The following PARD3B variants were observed in gnomAD, a reference collection of about 807,000 sequenced individuals.
PARD3B encodes the protein partitioning defective 3 homolog B.
A neutral mutation model predicts 130.2 loss-of-function variants in PARD3B; 103 were observed. That is an observed-to-expected ratio of 0.79 (90% CI 0.67 to 0.93). The LOEUF is 0.93. PARD3B is among the 40% of genes least tolerant of loss of function. The pLI, the probability that PARD3B is intolerant of heterozygous loss-of-function variation, is 0.00. For missense variants in PARD3B, 1,609 were observed against 1,499.2 expected, an observed-to-expected ratio of 1.07 and a Z score of -1.21; for synonymous variants, 583 against 553.2, an observed-to-expected ratio of 1.05 and a Z score of -0.76.
intron 3 of PARD3B, among the ~76,000 whole-genome samples, chr2:204,986,755 G>T (rs1453704333): frequency 1.3e-5 from 2 of 152,080 alleles, no homozygotes; most frequent in African/African-American, 4.8e-5. Context: ...CTTTTCGATG[G>T]GTAATTTGAC....
At chr2:205,144,799 G>A (rs1403750280) in intron 10 of PARD3B, among the ~76,000 whole-genome samples, 1 of 152,094 alleles carries the variant, frequency 6.6e-6, no homozygotes, top group Non-Finnish European at 1.5e-5. Context: ...TACTAAAGGG[G>A]ATTGGTATCC....
intron 18 of PARD3B, among the ~76,000 whole-genome samples, chr2:205,391,867 T>G (rs751346745): frequency 3.9e-5 from 6 of 152,136 alleles, no homozygotes; most frequent in African/African-American, 1.4e-4. Flanking sequence ...TCCCTTTTTT[T>G]CCCCCTAACA....
At chr2:205,305,110 A>G (rs541342581) in intron 18 of PARD3B, among the ~76,000 whole-genome samples, 2 of 152,198 alleles carry the variant, frequency 1.3e-5, no homozygotes, top group African/African-American at 4.8e-5. Context: ...AAAAAGACTG[A>G]AGAAAGCAGA....
intron 3 of PARD3B, among the ~76,000 whole-genome samples, chr2:205,030,144 A>G (rs150059134): frequency 5.2e-4 from 79 of 152,292 alleles, no homozygotes; most frequent in Non-Finnish European, 1.0e-3. Context: ...AGACTCGTGA[A>G]TAGGTTGCAG....
intron 2 of PARD3B, among the ~76,000 whole-genome samples, chr2:204,797,292 T>G (rs2042409628): frequency 6.6e-6 from 1 of 152,100 alleles, no homozygotes; most frequent in Admixed American, 6.6e-5. Flanking sequence ...TGAAATAACT[T>G]TTTCAATTAA....
intron 16 of PARD3B, among the ~76,000 whole-genome samples, chr2:205,259,121 C>A (rs2040204367): frequency 6.6e-6 from 1 of 152,024 alleles, no homozygotes; most frequent in Non-Finnish European, 1.5e-5. Context: ...ATTTTTTGGT[C>A]CCGCAAATTA....
intron 11 of PARD3B, 124 bp downstream of exon 11, chr2:205,159,031 C>G: frequency 3.0e-6 from 3 of 997,496 alleles, no homozygotes; most frequent in Non-Finnish European, 4.5e-6. Context: ...CCGCCAGATA[C>G]AAAAAATATA....
intron 15 of PARD3B, among the ~76,000 whole-genome samples, chr2:205,242,192 A>C (rs2039381557): frequency 6.6e-6 from 1 of 152,168 alleles, no homozygotes; most frequent in Admixed American, 6.5e-5. Flanking sequence ...AAAGGCCTCT[A>C]ATTTTTATGC....
rs562564164 is a variant in PARD3B, at chr2:205,301,836, G to A, written c.2630+135G>A. On this transcript the variant is annotated intron_variant, in intron 18 of 22. Transcript: ENST00000406610. This position sits in a 1 kb window ranked among gnomAD's most constrained non-coding sequence, Gnocchi z 5.2. ...AAATGCATACGGCTCTCAATTCTGT[G>A]CTCGTTCTCTTTCTGCAGAGGCAGA... 7.2e-7 allele frequency: 1 copy of A among 1,385,056 alleles called. No homozygotes were observed. The highest frequency in any genetic ancestry group is 1.4e-5 in the African/African-American group (1 of 70,336). The allele number at this position is 1,385,056 out of a possible 1,614,324, so 85.8% of individuals were successfully genotyped here.
At chr2:205,282,556 T>C (rs988809748) in intron 16 of PARD3B, among the ~76,000 whole-genome samples, 1 of 151,460 alleles carries the variant, frequency 6.6e-6, no homozygotes, top group South Asian at 2.1e-4. Context: ...TTTCTTGCTG[T>C]TAAATTGTTT....
chr2:205,141,098 G>A (rs1412888998), intron 10 of PARD3B, among the ~76,000 whole-genome samples: 1 of 152,140 alleles, frequency 6.6e-6, no homozygotes, highest in Non-Finnish European at 1.5e-5. Flanking sequence ...ACAGTCATTA[G>A]CATATTTGAA....
At chr2:205,414,828 A>G (rs1385437488) in intron 19 of PARD3B, among the ~76,000 whole-genome samples, 1 of 152,122 alleles carries the variant, frequency 6.6e-6, no homozygotes, top group Non-Finnish European at 1.5e-5. Context: ...AGTGCTAAAA[A>G]TATATATATT....
rs1464251778 is a variant in PARD3B, at chr2:205,616,705, G to T, written c.*892G>T. 1 of 152,172 alleles carries T rather than the reference G, an allele frequency of 6.6e-6. No homozygotes were observed. The highest frequency in any genetic ancestry group is 2.4e-5 in the African/African-American group (1 of 41,410). The allele number at this position is 152,172 out of a possible 1,614,324, so 9.4% of individuals were successfully genotyped here. ...TAATTACTTTAACTGGGGTCTCTAA[G>T]GTTCCCACTTGAGGGCTAAAATGTA... On this transcript the variant is annotated 3_prime_UTR_variant, in exon 23 of 23. Coordinates refer to ENST00000406610, the MANE Select transcript of PARD3B (RefSeq NM_001302769.2).
intron 21 of PARD3B, among the ~76,000 whole-genome samples, chr2:205,533,719 G>C (rs2051706210): frequency 1.3e-5 from 2 of 151,672 alleles, no homozygotes; most frequent in Admixed American, 1.3e-4. Context: ...AATGGTTTTG[G>C]GGGTTTTTTG....
intron 10 of PARD3B, among the ~76,000 whole-genome samples, chr2:205,157,878 T>C (rs1474909948): frequency 3.9e-5 from 6 of 152,180 alleles, no homozygotes; most frequent in Non-Finnish European, 7.3e-5. Context: ...CTGCTGTATA[T>C]TTGAAAACAC....
intron 15 of PARD3B, among the ~76,000 whole-genome samples, chr2:205,203,561 T>C (rs2037108750): frequency 6.6e-6 from 1 of 152,160 alleles, no homozygotes. Context: ...CATCAACCCA[T>C]CATCTACATT....
chr2:205,344,651 G>T (rs1420274522), intron 18 of PARD3B, among the ~76,000 whole-genome samples: 1 of 152,158 alleles, frequency 6.6e-6, no homozygotes, highest in African/African-American at 2.4e-5. Context: ...GAGCATTTCT[G>T]GTTCTCACCC....
chr2:204,624,671 A>G (rs2034425183), intron 1 of PARD3B, among the ~76,000 whole-genome samples: 1 of 152,120 alleles, frequency 6.6e-6, no homozygotes, highest in South Asian at 2.1e-4. Context: ...GTTATCATAA[A>G]TAAAGCTGTT....
At chr2:205,071,432 T>G (rs1004286128) in intron 4 of PARD3B, among the ~76,000 whole-genome samples, 1 of 152,186 alleles carries the variant, frequency 6.6e-6, no homozygotes, top group African/African-American at 2.4e-5. Context: ...CTGGCCAGAC[T>G]TAGGGAAAAT....
Sources: gnomAD v4.1 joint callset for allele counts (sites outside exome capture counted in the v4.1 genomes callset) on GRCh38, gnomAD v4.1.1 for gene constraint, Gnocchi (gnomAD v3.1) non-coding constraint, MANE v1.5 for transcripts, NCBI Gene and HGNC (gene_info 2026-07-23, HGNC 2026-07-21) for gene names.